The following UNC5D variants were observed in gnomAD, a reference collection of about 807,000 sequenced individuals.
UNC5D encodes netrin receptor UNC5D.
In UNC5D, 39 loss-of-function variants were observed where a neutral mutation model predicts 105.4. The observed-to-expected ratio is 0.37, with a 90% CI of 0.29 to 0.48. The LOEUF is 0.48. Ranked by LOEUF, UNC5D falls within the 20% of genes least tolerant of loss-of-function variation. The pLI is 0.98. For synonymous variants in UNC5D, 452 were observed against 450.4 expected (o/e 1.00, Z -0.04); for missense variants, 991 against 1,202.4 (o/e 0.82, Z 2.60).
intron 1 of UNC5D, among the ~76,000 whole-genome samples, chr8:35,506,051 G>A (rs1812286695): frequency 6.6e-6 from 1 of 152,136 alleles, no homozygotes; most frequent in Admixed American, 6.6e-5. Flanking sequence ...TTGAAGTGGT[G>A]GGAAAAAGCC....
chr8:35,281,788 G>T (rs1054814236), intron 1 of UNC5D, among the ~76,000 whole-genome samples: 71 of 152,264 alleles, frequency 4.7e-4, no homozygotes, highest in African/African-American at 1.6e-3. Context: ...CCATGCCTTT[G>T]ATACTTCTAA....
rs1810196881 is a variant in UNC5D, at chr8:35,477,592, C to T, written c.104-71700C>T. ...ATCCATGCACAGGCTATTCTGACAC[C>T]CAATCAAAGACAATCATGTGTGGCT... On this transcript the variant is annotated intron_variant, in intron 1 of 16. Coordinates refer to ENST00000404895, the MANE Select transcript of UNC5D (RefSeq NM_080872.4). 3.3e-5 allele frequency among the ~76,000 whole-genome samples: 5 copies of T among 151,926 alleles called. No individual in the cohort carries two copies. The South Asian group carries it at 1.0e-3, about 32-fold the overall frequency.
intron 2 of UNC5D, among the ~76,000 whole-genome samples, chr8:35,552,941 T>C (rs1308552783): frequency 1.1e-4 from 16 of 152,180 alleles, no homozygotes. Flanking sequence ...GGCTTGTGTC[T>C]TTTGCTCAAT....
chr8:35,423,966 A>T (rs1451116870), intron 1 of UNC5D, among the ~76,000 whole-genome samples: 1 of 150,370 alleles, frequency 6.7e-6, no homozygotes, highest in Non-Finnish European at 1.5e-5. Flanking sequence ...CTGGCTAATT[A>T]AAAAAAAAGT....
chr8:35,235,841 G>C lies in UNC5D; in HGVS notation c.57G>C (p.Pro19=). The change falls in exon 1 of 17, where the codon CCG becomes CCC. Residue 19 remains proline (P), a synonymous_variant. Coordinates refer to ENST00000404895, the MANE Select transcript of UNC5D (RefSeq NM_080872.4). ...GGGGGARRWL[P]WLGLCFWAAG... is the part of the protein sequence containing the mutation. ...GCGGAGGGGCGCGCCGCTGGCTCCC[G>C]TGGCTGGGGCTGTGCTTCTGGGCGG... 8.1e-7 allele frequency: 1 copy of C among 1,230,500 alleles called. No individual in the cohort carries two copies. The highest frequency in any genetic ancestry group is 1.6e-5 in the African/African-American group (1 of 64,416). The allele number at this position is 1,230,500 out of a possible 1,614,324, so 76.2% of individuals were successfully genotyped here.
intron 1 of UNC5D, among the ~76,000 whole-genome samples, chr8:35,335,553 T>G (rs893030077): frequency 6.6e-6 from 1 of 152,180 alleles, no homozygotes; most frequent in Non-Finnish European, 1.5e-5. Flanking sequence ...AAAATTTTAG[T>G]GTTAAAATTT....
chr8:35,243,557 G>A lies in UNC5D; in HGVS notation c.103+7670G>A, dbSNP rs148621567. On this transcript the variant is annotated intron_variant, in intron 1 of 16. Transcript: ENST00000404895. ...CTAACTTTCTGTAGCACTCTTTCAC[G>A]TTATTCTCTTGGCAGGAGCTACATA... Among the ~76,000 whole-genome samples the A allele has an allele frequency of 2.0e-3, 308 of 152,210 alleles. 2 individuals are homozygous for A. Among genetic ancestry groups the A allele is most frequent in the African/African-American group, 7.1e-3 (297 of 41,542 alleles).
At chr8:35,656,166 T>C (rs1390406542) in intron 4 of UNC5D, among the ~76,000 whole-genome samples, 1 of 152,116 alleles carries the variant, frequency 6.6e-6, no homozygotes, top group Admixed American at 6.6e-5. Context: ...GTGCCAGGCA[T>C]CTCTTCCACA....
chr8:35,605,390 A>T (rs1030224094), intron 4 of UNC5D, among the ~76,000 whole-genome samples: 1 of 152,302 alleles, frequency 6.6e-6, no homozygotes, highest in East Asian at 1.9e-4. Flanking sequence ...CTGCTGCCTG[A>T]TCGTTCCTCT....
intron 4 of UNC5D, among the ~76,000 whole-genome samples, chr8:35,650,282 G>C (rs962669156): frequency 1.3e-5 from 2 of 152,040 alleles, no homozygotes; most frequent in Admixed American, 6.6e-5. Context: ...TGTTGATGTC[G>C]TCTTCCTCCT....
intron 1 of UNC5D, among the ~76,000 whole-genome samples, chr8:35,326,837 C>T (rs2128890855): frequency 6.6e-6 from 1 of 152,002 alleles, no homozygotes; most frequent in African/African-American, 2.4e-5. Context: ...GAAAGTCCTG[C>T]AGGAATCACC....
At position 35,610,314 on chromosome 8, in the gene UNC5D, C is replaced by T. The variant is rs1378926738; in HGVS notation, c.570+14657C>T. Among the ~76,000 whole-genome samples the T allele has an allele frequency of 3.3e-5, 5 of 152,214 alleles. 1 individual carries two copies. The highest frequency in any genetic ancestry group is 3.3e-4 in the Admixed American group (5 of 15,292). On this transcript the variant is annotated intron_variant, in intron 4 of 16. Coordinates refer to ENST00000404895, the MANE Select transcript of UNC5D (RefSeq NM_080872.4). ...ACCAAGCCTTCTTGAAGGTTGGGAG[C>T]CACCAGGCCAATGATAGTCTCTCTG...
At chr8:35,608,137 A>T (rs188177195) in intron 4 of UNC5D, among the ~76,000 whole-genome samples, 24 of 152,344 alleles carry the variant, frequency 1.6e-4, no homozygotes, top group Admixed American at 1.5e-3. Flanking sequence ...ACTGCTATTT[A>T]GCCCAGTACA....
At position 35,748,509 on chromosome 8, in the gene UNC5D, C is replaced by CT. The variant is rs767294368; in HGVS notation, c.1767-12dup. On this transcript the variant is annotated splice_polypyrimidine_tract_variant and intron_variant, in intron 11 of 16. Transcript: ENST00000404895. Reference sequence around the variant, plus strand: ...CCTCTACATACTTCTCTCTTCTATCCTTTTTTCAACTGTGAAGCCTCCAGT... The same window carrying CT: ...CCTCTACATACTTCTCTCTTCTATCCTTTTTTTCAACTGTGAAGCCTCCAGT... 2 of 1,608,344 alleles carry CT rather than the reference C, an allele frequency of 1.2e-6. No homozygotes were observed. Among genetic ancestry groups the CT allele is most frequent in the East Asian group, 4.5e-5 (2 of 44,816 alleles).
chr8:35,584,999 T>C (rs536951933), intron 3 of UNC5D, among the ~76,000 whole-genome samples: 41 of 152,160 alleles, frequency 2.7e-4, no homozygotes, highest in Non-Finnish European at 4.9e-4. Flanking sequence ...AGTAGCTCAA[T>C]AGAGAATACT....
At chr8:35,788,181 T>G (rs962336224) in intron 16 of UNC5D, among the ~76,000 whole-genome samples, 1 of 145,754 alleles carries the variant, frequency 6.9e-6, no homozygotes, top group Non-Finnish European at 1.5e-5. Flanking sequence ...CACTCAGAAT[T>G]GCTGTGTGTG....
intron 4 of UNC5D, among the ~76,000 whole-genome samples, chr8:35,607,962 G>A (rs1280629556): frequency 2.0e-5 from 3 of 151,996 alleles, no homozygotes; most frequent in African/African-American, 7.2e-5. Context: ...TCTCCTCTCT[G>A]TGTCTTTGAA....
At chr8:35,556,131 A>T (rs1178610642) in intron 2 of UNC5D, among the ~76,000 whole-genome samples, 12 of 152,218 alleles carry the variant, frequency 7.9e-5, no homozygotes, top group Admixed American at 7.9e-4. Flanking sequence ...TGACATGCTT[A>T]GCCCAGGGGC....
At chr8:35,682,493 C>A (rs978792068) in intron 4 of UNC5D, among the ~76,000 whole-genome samples, 5 of 152,076 alleles carry the variant, frequency 3.3e-5, no homozygotes, top group Non-Finnish European at 7.3e-5. Flanking sequence ...CTGTGTTTTA[C>A]CTATGCTGAT....
Sources: allele counts gnomAD v4.1 joint callset (sites outside exome capture counted in the v4.1 genomes callset), GRCh38; gene constraint gnomAD v4.1.1; transcripts MANE v1.5; gene names NCBI Gene and HGNC (gene_info 2026-07-23, HGNC 2026-07-21).